GRID2: variants seen among roughly 807,000 people sequenced by gnomAD.
GRID2 encodes glutamate receptor ionotropic, delta-2.
GRID2 carries 33 observed loss-of-function variants against 114.8 expected under a neutral mutation model. The observed-to-expected ratio is 0.29, with a 90% confidence interval of 0.22 to 0.38. The LOEUF is 0.38. Ranked by LOEUF, GRID2 falls within the 10% of genes least tolerant of loss-of-function variation. The probability of loss-of-function intolerance (pLI) is 1.00; values close to 1 mark genes in which losing one functional copy is unlikely to be tolerated. For synonymous variants in GRID2, 505 were observed against 449.9 expected (o/e 1.12, Z -1.55); for missense variants, 1,184 against 1,257.7 (o/e 0.94, Z 0.89).
At chr4:93,595,871 T>C (rs895876153) in intron 13 of GRID2, among the ~76,000 whole-genome samples, 2 of 152,236 alleles carry the variant, frequency 1.3e-5, no homozygotes, top group Non-Finnish European at 2.9e-5. Context: ...AATTTCTACC[T>C]ACCATGTATT....
chr4:92,485,272 G>GTCCTTATA (rs1226429441), intron 1 of GRID2, among the ~76,000 whole-genome samples: 1 of 118,656 alleles, frequency 8.4e-6, no homozygotes, highest in African/African-American at 3.3e-5. Flanking sequence ...GATTTATATT[G>GTCCTTATA]TCCTTATATA....
intron 14 of GRID2, among the ~76,000 whole-genome samples, chr4:93,728,874 G>A (rs1730204355): frequency 6.6e-6 from 1 of 152,072 alleles, no homozygotes; most frequent in South Asian, 2.1e-4. Context: ...TTGAGCCTAT[G>A]TGTGTCTCTG....
intron 1 of GRID2, among the ~76,000 whole-genome samples, chr4:92,568,316 C>G (rs1450467814): frequency 6.6e-6 from 1 of 151,976 alleles, no homozygotes; most frequent in African/African-American, 2.4e-5. Context: ...TCAATAAGCC[C>G]TGGGAGGATT....
intron 2 of GRID2, among the ~76,000 whole-genome samples, chr4:92,988,680 T>C: frequency 6.6e-6 from 1 of 152,204 alleles, no homozygotes; most frequent in East Asian, 1.9e-4. Flanking sequence ...TTTTATGGAA[T>C]GGCTTAACTT....
At chr4:92,317,454 G>A (rs1401015460) in intron 1 of GRID2, among the ~76,000 whole-genome samples, 1 of 152,164 alleles carries the variant, frequency 6.6e-6, no homozygotes, top group East Asian at 1.9e-4. Flanking sequence ...TAACTGTCCA[G>A]TGCTTCTATT....
intron 1 of GRID2, among the ~76,000 whole-genome samples, chr4:92,340,052 C>T (rs966119429): frequency 6.6e-6 from 1 of 151,726 alleles, no homozygotes; most frequent in Non-Finnish European, 1.5e-5. Context: ...CAAAGTAAAC[C>T]AAAAATATCC....
intron 8 of GRID2, among the ~76,000 whole-genome samples, chr4:93,300,979 G>T (rs1754812897): frequency 6.6e-6 from 1 of 152,218 alleles, no homozygotes. Flanking sequence ...TAAGTTATGA[G>T]TTGATTTTTA....
At chr4:93,149,150 A>G (rs1049693162) in intron 4 of GRID2, among the ~76,000 whole-genome samples, 42 of 152,300 alleles carry the variant, frequency 2.8e-4, no homozygotes, top group Non-Finnish European at 4.0e-4. Flanking sequence ...ATTGAAATAC[A>G]AACACTGCTT....
intron 14 of GRID2, among the ~76,000 whole-genome samples, chr4:93,675,055 G>T (rs1187674435): frequency 6.6e-6 from 1 of 151,976 alleles, no homozygotes; most frequent in African/African-American, 2.4e-5. Context: ...ACCAAAAATG[G>T]TCCTATATAT....
chr4:92,396,316 A>C (rs905832547), intron 1 of GRID2, among the ~76,000 whole-genome samples: 1 of 151,992 alleles, frequency 6.6e-6, no homozygotes. Flanking sequence ...TATTTTAAGA[A>C]AAATGAGACC....
downstream of GRID2, among the ~76,000 whole-genome samples, chr4:93,775,016 G>A (rs1462224159): frequency 6.6e-6 from 1 of 151,818 alleles, no homozygotes; most frequent in Non-Finnish European, 1.5e-5. Flanking sequence ...ATTAATTTGG[G>A]AATTAATTTA....
intron 2 of GRID2, among the ~76,000 whole-genome samples, chr4:92,924,306 G>A (rs551244395): frequency 6.6e-6 from 1 of 151,876 alleles, no homozygotes; most frequent in East Asian, 1.9e-4. Flanking sequence ...GTTAAATGAC[G>A]AGTTAATGGG....
intron 1 of GRID2, among the ~76,000 whole-genome samples, chr4:92,459,195 A>T (rs918681564): frequency 6.6e-6 from 1 of 152,348 alleles, no homozygotes; most frequent in East Asian, 1.9e-4. Context: ...AAGTATGAAG[A>T]TCATTGTGAT....
At chr4:92,876,459 C>T (rs890373161) in intron 2 of GRID2, among the ~76,000 whole-genome samples, 1 of 151,996 alleles carries the variant, frequency 6.6e-6, no homozygotes, top group Non-Finnish European at 1.5e-5. Context: ...TGCCTGCCAC[C>T]ACACCTGGCT....
intron 1 of GRID2, among the ~76,000 whole-genome samples, chr4:93,799,996 T>G (rs968961950): frequency 6.6e-6 from 1 of 152,122 alleles, no homozygotes; most frequent in Non-Finnish European, 1.5e-5. Context: ...AGACTGAACT[T>G]CTCTTAAATG....
At chr4:93,602,963 A>G (rs1470317605) in intron 13 of GRID2, among the ~76,000 whole-genome samples, 1 of 152,222 alleles carries the variant, frequency 6.6e-6, no homozygotes. Context: ...TAATCCCAGC[A>G]CTTTGGGAGG....
intron 2 of GRID2, among the ~76,000 whole-genome samples, chr4:92,730,363 C>T (rs1157015799): frequency 6.6e-6 from 1 of 151,764 alleles, no homozygotes; most frequent in African/African-American, 2.4e-5. Flanking sequence ...TTGACACCCA[C>T]CCACTGAACA....
rs534935433 is a variant in GRID2 at position 93,552,324 on chromosome 4, G to A, written c.2193+36913G>A. On this transcript the variant is annotated intron_variant, in intron 13 of 15. Coordinates refer to ENST00000282020, the MANE Select transcript of GRID2 (RefSeq NM_001510.4). The stretch of plus-strand genomic sequence containing the variant: ...TCACAAGTCTTTGCTATTGTGAATC[G>A]TGCTGCAATAAACATACATGTGCCT... Among the ~76,000 whole-genome samples, 45 of 152,150 alleles carry A rather than the reference G, an allele frequency of 3.0e-4. 1 individual carries two copies. The South Asian group carries it at 6.6e-3, about 22-fold the overall frequency.
At chr4:92,502,251 ACAT>A (rs777629943) in intron 1 of GRID2, among the ~76,000 whole-genome samples, 6 of 152,136 alleles carry the variant, frequency 3.9e-5, no homozygotes, top group African/African-American at 7.2e-5. Flanking sequence ...AGAAAGAAAA[ACAT>A]CATCTGCTTA....
Sources: allele counts gnomAD v4.1 joint callset (sites outside exome capture counted in the v4.1 genomes callset), GRCh38; gene constraint gnomAD v4.1.1; transcripts MANE v1.5; gene names NCBI Gene and HGNC (gene_info 2026-07-23, HGNC 2026-07-21).